CNTN3: variants seen among roughly 807,000 people sequenced by gnomAD.
The protein encoded by CNTN3 is contactin-3.
A neutral mutation model predicts 119.1 loss-of-function variants in CNTN3; 60 were observed. The ratio of observed to expected loss-of-function variants is 0.50; its 90% CI spans 0.41 to 0.62. CNTN3 has a LOEUF of 0.62. CNTN3 is among the 20% of genes least tolerant of loss of function. The pLI is 0.00. For synonymous variants in CNTN3, 450 were observed against 438.7 expected (o/e 1.03, Z -0.32); for missense variants, 1,101 against 1,242.4 (o/e 0.89, Z 1.71).
Position 74,595,716 on chromosome 3 carries a change from A to G in CNTN3, c.-81+18675T>C, listed in dbSNP as rs1003445838. Among the ~76,000 whole-genome samples, 5 of 152,272 alleles carry G rather than the reference A, an allele frequency of 3.3e-5. No individual in the cohort carries two copies. In the South Asian group the frequency reaches 1.0e-3, roughly 32 times the overall value. On this transcript the variant is annotated intron_variant, in intron 1 of 22. Coordinates refer to ENST00000263665, the MANE Select transcript of CNTN3 (RefSeq NM_020872.3). The stretch of plus-strand genomic sequence containing the variant: ...AAAATAATAAGAGCTATCTATGACA[A>G]ACCCACAGCCAATATCATACTGAAT...
intron 3 of CNTN3, among the ~76,000 whole-genome samples, chr3:74,496,689 T>G (rs1196983358): frequency 6.6e-6 from 1 of 152,066 alleles, no homozygotes; most frequent in Non-Finnish European, 1.5e-5. Context: ...GAAAAAGTAT[T>G]AATACTTCCT....
At chr3:74,480,868 A>T (rs1702751358) in intron 4 of CNTN3, among the ~76,000 whole-genome samples, 1 of 152,000 alleles carries the variant, frequency 6.6e-6, no homozygotes, top group Non-Finnish European at 1.5e-5. Flanking sequence ...CATAGATACT[A>T]AAATTTCTAG....
chr3:74,294,970 T>C (rs1702309347), intron 19 of CNTN3, 151 bp downstream of exon 19: 2 of 497,072 alleles, frequency 4.0e-6, no homozygotes, highest in South Asian at 8.3e-5. Flanking sequence ...AAATTCAGTA[T>C]ACATGGAACA....
chr3:74,486,196 T>C (rs1352493338), intron 4 of CNTN3, among the ~76,000 whole-genome samples: 4 of 139,936 alleles, frequency 2.9e-5, no homozygotes, highest in Admixed American at 1.5e-4. Context: ...AATACTAAAA[T>C]AGAGCACACA....
chr3:74,466,845 T>C (rs2106989512), intron 4 of CNTN3, among the ~76,000 whole-genome samples: 1 of 152,228 alleles, frequency 6.6e-6, no homozygotes, highest in South Asian at 2.1e-4. Context: ...TGTACGTCAT[T>C]ATGTATTAGT....
chr3:74,276,300 T>C (rs1438072786), intron 20 of CNTN3, among the ~76,000 whole-genome samples: 5 of 152,116 alleles, frequency 3.3e-5, no homozygotes, highest in Admixed American at 2.0e-4. Context: ...TTAACAGATA[T>C]ATACGGAACA....
intron 1 of CNTN3, among the ~76,000 whole-genome samples, chr3:74,596,499 A>G (rs1006105728): frequency 2.0e-5 from 3 of 152,114 alleles, no homozygotes; most frequent in African/African-American, 7.2e-5. Flanking sequence ...ATATAGATCA[A>G]TGCAACAGAA....
intron 1 of CNTN3, among the ~76,000 whole-genome samples, chr3:74,549,558 T>C (rs996320834): frequency 3.9e-5 from 6 of 152,114 alleles, no homozygotes; most frequent in African/African-American, 1.4e-4. Flanking sequence ...TGGACTTTTT[T>C]TTTTAAATGG....
chr3:74,310,942 A>G (rs1197343679), intron 13 of CNTN3, among the ~76,000 whole-genome samples: 2 of 152,166 alleles, frequency 1.3e-5, no homozygotes, highest in Non-Finnish European at 2.9e-5. Flanking sequence ...CTTATACTCT[A>G]CCAGTTTCTT....
chr3:74,582,783 T>TGTGTGTGTG (rs1704534450), intron 1 of CNTN3, among the ~76,000 whole-genome samples: 2 of 145,002 alleles, frequency 1.4e-5, no homozygotes, highest in East Asian at 4.0e-4. Flanking sequence ...GTGTATGCAT[T>TGTGTGTGTG]TGTGTGTGTG....
At chr3:74,593,372 T>C (rs1704736767) in intron 1 of CNTN3, among the ~76,000 whole-genome samples, 1 of 151,952 alleles carries the variant, frequency 6.6e-6, no homozygotes, top group South Asian at 2.1e-4. Flanking sequence ...GATTTGCTTA[T>C]AAACAGCAAA....
chr3:74,600,421 A>C (rs1704890835), intron 1 of CNTN3, among the ~76,000 whole-genome samples: 1 of 152,048 alleles, frequency 6.6e-6, no homozygotes, highest in African/African-American at 2.4e-5. Context: ...TAGAATGAAA[A>C]ATGCACTGCT....
intron 4 of CNTN3, among the ~76,000 whole-genome samples, chr3:74,441,880 T>C (rs994295374): frequency 2.6e-5 from 4 of 152,188 alleles, no homozygotes; most frequent in Admixed American, 1.3e-4. Context: ...TAGGTTACCA[T>C]TCTCATAGAA....
chr3:74,531,773 G>T (rs1300638413), intron 1 of CNTN3, among the ~76,000 whole-genome samples: 1 of 151,940 alleles, frequency 6.6e-6, no homozygotes, highest in Non-Finnish European at 1.5e-5. Flanking sequence ...AGAGTGTTCA[G>T]TTCTGCAAGA....
intron 11 of CNTN3, among the ~76,000 whole-genome samples, chr3:74,352,967 C>A (rs554563953): frequency 1.8e-4 from 27 of 152,130 alleles, no homozygotes; most frequent in Admixed American, 3.9e-4. Context: ...AAAATAAAGT[C>A]AAGCTTTTTG....
intron 19 of CNTN3, among the ~76,000 whole-genome samples, chr3:74,288,156 T>TTC: frequency 7.8e-6 from 1 of 128,898 alleles, no homozygotes. Flanking sequence ...TTTCTTTTCT[T>TTC]TTCTTTTTTT....
intron 4 of CNTN3, among the ~76,000 whole-genome samples, chr3:74,483,068 C>T (rs1207916025): frequency 1.3e-5 from 2 of 152,062 alleles, no homozygotes; most frequent in African/African-American, 4.8e-5. Context: ...AATGTTGCTT[C>T]TTGTAACTTC....
intron 4 of CNTN3, among the ~76,000 whole-genome samples, chr3:74,472,068 T>C (rs777665997): frequency 6.6e-6 from 1 of 152,182 alleles, no homozygotes; most frequent in Non-Finnish European, 1.5e-5. Context: ...CCTTTCTTTA[T>C]GTCTGGTGGC....
At chr3:74,594,641 G>A (rs1413128930) in intron 1 of CNTN3, among the ~76,000 whole-genome samples, 1 of 152,016 alleles carries the variant, frequency 6.6e-6, no homozygotes, top group African/African-American at 2.4e-5. Flanking sequence ...ATTTTTTATG[G>A]CTGCATAGTA....
Sources: allele counts gnomAD v4.1 joint callset (sites outside exome capture counted in the v4.1 genomes callset), GRCh38; gene constraint gnomAD v4.1.1; transcripts MANE v1.5; gene names NCBI Gene and HGNC (gene_info 2026-07-23, HGNC 2026-07-21).